CPA4: variants seen among roughly 807,000 people sequenced by gnomAD.
CPA4 encodes carboxypeptidase A4, also known as carboxypeptidase A3.
In CPA4, 49 loss-of-function variants were observed where a neutral mutation model predicts 54.7. The ratio of observed to expected loss-of-function variants is 0.90; its 90% CI spans 0.71 to 1.14. The LOEUF (loss-of-function observed/expected upper bound fraction) is 1.14. Ranked by LOEUF, CPA4 falls within the 50% of genes most tolerant of loss-of-function variation. The pLI is 0.00. For missense variants in CPA4, 487 were observed against 525.1 expected, an observed-to-expected ratio of 0.93 and a Z score of 0.71; for synonymous variants, 215 against 206.8, an observed-to-expected ratio of 1.04 and a Z score of -0.34.
rs61731647 is a variant in CPA4 at position 130,299,381 on chromosome 7, G to A, written c.262G>A (p.Ala88Thr). The change falls in exon 3 of 11, where the codon GCA becomes ACA. Residue 88 changes from alanine (A) to threonine (T), a missense_variant. Transcript: ENST00000222482. The stretch of plus-strand genomic sequence containing the variant: ...CCTGAGATCCCAGGGCTTAGAGTAC[G>A]CAGTGACAATTGAGGACCTGCAGGT... ...SFLRSQGLEY[A>T]VTIEDLQALL... is the part of the protein sequence containing the mutation. 5,586 of 1,614,080 alleles carry A rather than the reference G, an allele frequency of 3.5e-3. 180 individuals carry two copies. The African/African-American group carries it at 0.066, about 19-fold the overall frequency.
At chr7:130,295,420 AGC>A (rs1584743175) in intron 1 of CPA4, among the ~76,000 whole-genome samples, 1 of 152,172 alleles carries the variant, frequency 6.6e-6, no homozygotes, top group East Asian at 1.9e-4. Flanking sequence ...ACCTGTGTGG[AGC>A]AGGAGGGGCA....
At chr7:130,322,131 G>A (rs949259416) in intron 10 of CPA4, among the ~76,000 whole-genome samples, 3 of 152,182 alleles carry the variant, frequency 2.0e-5, no homozygotes, top group Non-Finnish European at 4.4e-5. Context: ...ATGTAGGAGG[G>A]AGCTGCACAA....
In CPA4 at chr7:130,306,889, C is replaced by G; in HGVS notation, c.694C>G (p.Gln232Glu). The G allele has an allele frequency of 6.4e-7, 1 of 1,568,924 alleles. No individual in the cohort carries two copies. The change falls in exon 7 of 11, where the codon CAA becomes GAA. Residue 232 changes from glutamine (Q) to glutamate (E), a missense_variant. Transcript: ENST00000222482. The stretch of plus-strand genomic sequence containing the variant: ...CAATCCTGATGGATATGTGTATACT[C>G]AAACTCAAGTGAGTATTCCCAAATG... Reference protein sequence around the residue: ...VANPDGYVYTQTQNRLWRKTR... With the variant: ...VANPDGYVYTETQNRLWRKTR...
At chr7:130,294,092 C>T (rs565397722) in intron 1 of CPA4, among the ~76,000 whole-genome samples, 2 of 152,140 alleles carry the variant, frequency 1.3e-5, no homozygotes, top group Non-Finnish European at 2.9e-5. Flanking sequence ...TTTTTGATCA[C>T]ACAACAACTT....
Position 130,322,565 on chromosome 7 carries a change from T to C in CPA4, c.1155T>C (p.Asp385=). Residue 385 remains aspartate, a synonymous_variant, in exon 11 of 11, where the codon GAT becomes GAC. Coordinates refer to ENST00000222482, the MANE Select transcript of CPA4 (RefSeq NM_016352.4). The stretch of plus-strand genomic sequence containing the variant: ...TTGCATTCACATTTGAGTTGAGAGA[T>C]ACCGGGACCTATGGCTTCCTCCTGC... ...IKFAFTFELR[D]TGTYGFLLPA... is the part of the protein sequence containing the mutation. The C allele has an allele frequency of 4.3e-6, 7 of 1,614,136 alleles. No individual in the cohort carries two copies. Among genetic ancestry groups the C allele is most frequent in the Non-Finnish European group, 5.9e-6 (7 of 1,179,990 alleles).
chr7:130,302,365 T>C (rs1301726470), intron 4 of CPA4, among the ~76,000 whole-genome samples: 1 of 152,010 alleles, frequency 6.6e-6, no homozygotes, highest in African/African-American at 2.4e-5. Flanking sequence ...GGCAGGCACC[T>C]GTAGTCCCAG....
intron 1 of CPA4, among the ~76,000 whole-genome samples, chr7:130,294,363 G>A (rs1026962742): frequency 6.6e-6 from 1 of 152,288 alleles, no homozygotes. Flanking sequence ...TTACTTATAT[G>A]AGATTGACTA....
At chr7:130,306,955 A>G in intron 7 of CPA4, 58 bp downstream of exon 7, 1 of 927,484 alleles carries the variant, frequency 1.1e-6, no homozygotes, top group Non-Finnish European at 1.8e-6. Context: ...CTTTGCCACT[A>G]ATTGTCTGAT....
At chr7:130,296,097 T>C (rs546021601) in intron 1 of CPA4, among the ~76,000 whole-genome samples, 192 of 152,308 alleles carry the variant, frequency 1.3e-3, no homozygotes, top group Non-Finnish European at 2.4e-3. Flanking sequence ...GTGATGTGAG[T>C]TGGTCCTAAA....
chr7:130,303,914 T>A (rs554578397), intron 4 of CPA4, among the ~76,000 whole-genome samples: 15 of 152,262 alleles, frequency 9.9e-5, no homozygotes, highest in African/African-American at 3.6e-4. Context: ...AGTGTTGGGA[T>A]TATAGGCATG....
In CPA4 at chr7:130,297,401, G is replaced by GT. The variant is rs1268674057; in HGVS notation, c.69-1344dup. Among the ~76,000 whole-genome samples the GT allele has an allele frequency of 2.0e-5, 3 of 152,274 alleles. No individual in the cohort carries two copies. The East Asian group carries it at 5.8e-4, about 29-fold the overall frequency. ...CAGACTGAGACCTGCCCACCCAGTG[G>GT]TATCTCTTCAGGGCCCTCGGCAGTG... On this transcript the variant is annotated intron_variant, in intron 1 of 10. Transcript: ENST00000222482.
intron 10 of CPA4, among the ~76,000 whole-genome samples, chr7:130,314,908 G>C (rs777780944): frequency 1.3e-5 from 2 of 152,132 alleles, no homozygotes; most frequent in African/African-American, 4.8e-5. Flanking sequence ...TTCGGGATTC[G>C]GGTGAGGTGA....
At chr7:130,298,384 G>C (rs1793683585) in intron 1 of CPA4, among the ~76,000 whole-genome samples, 1 of 152,116 alleles carries the variant, frequency 6.6e-6, no homozygotes, top group Admixed American at 6.6e-5. Flanking sequence ...AGATACAAGG[G>C]GGAAAAAAGT....
rs200419185 is a variant in CPA4, at chr7:130,306,872, A to T, written c.677A>T (p.Asp226Val). 48 of 1,603,206 alleles carry T rather than the reference A, an allele frequency of 3.0e-5. No homozygotes were observed. The African/African-American group carries it at 4.3e-4, about 14-fold the overall frequency. ...TTCTTGTTGCCTGTGGCCAATCCTGATGGATATGTGTATACTCAAACTCAA... is the reference window on the plus strand; with the variant it reads ...TTCTTGTTGCCTGTGGCCAATCCTGTTGGATATGTGTATACTCAAACTCAA... ...DIFLLPVANP[D>V]GYVYTQTQNR... Residue 226 changes from aspartate (D) to valine (V), a missense_variant, in exon 7 of 11, where the codon GAT becomes GTT. By Grantham distance (152) the Asp-to-Val change is radical (BLOSUM62 -3). Coordinates refer to ENST00000222482, the MANE Select transcript of CPA4 (RefSeq NM_016352.4).
intron 10 of CPA4, among the ~76,000 whole-genome samples, chr7:130,317,329 A>G (rs1176081395): frequency 6.6e-6 from 1 of 152,250 alleles, no homozygotes; most frequent in Non-Finnish European, 1.5e-5. Flanking sequence ...CTAGGTGTGC[A>G]GTATGTTATA....
At chr7:130,308,134 ACTCCT>A in intron 7 of CPA4, 168 bp from the exon 8 acceptor site, 1 of 624,890 alleles carries the variant, frequency 1.6e-6, no homozygotes, top group Non-Finnish European at 2.9e-6. Flanking sequence ...AAGGGGAAAT[ACTCCT>A]CTCTCTGCAG....
In CPA4 at chr7:130,322,544, A is replaced by G. The variant is rs760528568; in HGVS notation, c.1134A>G (p.Ala378=). 1 of 1,614,170 alleles carries G rather than the reference A, an allele frequency of 6.2e-7. No individual in the cohort carries two copies. The highest frequency in any genetic ancestry group is 1.1e-5 in the South Asian group (1 of 91,074). ...DWAYDNGIKF[A]FTFELRDTGT... ...CATATGACAACGGCATCAAATTTGC[A>G]TTCACATTTGAGTTGAGAGATACCG... Residue 378 remains alanine (A), a synonymous_variant, in exon 11 of 11, where the codon GCA becomes GCG. Transcript: ENST00000222482.
rs147395968 is a variant in CPA4, at chr7:130,319,318, C to T, written c.1079-3171C>T. Among the ~76,000 whole-genome samples, 660 of 152,280 alleles carry T rather than the reference C, an allele frequency of 4.3e-3. 4 individuals are homozygous for T. Among genetic ancestry groups the T allele is most frequent in the Non-Finnish European group, 7.4e-3 (501 of 68,026 alleles). ...CATAAGCGTGGTGATTGGGTTTTCA[C>T]GCTCATGTGTGACATATGCCTTCCT... On this transcript the variant is annotated intron_variant, in intron 10 of 10. Coordinates refer to ENST00000222482, the MANE Select transcript of CPA4 (RefSeq NM_016352.4).
rs138281169 is a variant in CPA4 at position 130,309,212 on chromosome 7, C to T, written c.793+815C>T. Reference sequence around the variant, plus strand: ...GGAATGATAGTGATGTCTGTCTTCCCGAGAGAATGGTGGGACAGAGCATCT... The same window carrying T: ...GGAATGATAGTGATGTCTGTCTTCCTGAGAGAATGGTGGGACAGAGCATCT... On this transcript the variant is annotated intron_variant, in intron 8 of 10. Coordinates refer to ENST00000222482, the MANE Select transcript of CPA4 (RefSeq NM_016352.4). Among the ~76,000 whole-genome samples, 768 of 152,168 alleles carry T rather than the reference C, an allele frequency of 5.0e-3. 5 individuals are homozygous for T. The highest frequency in any genetic ancestry group is 0.017 in the African/African-American group (711 of 41,492).
Sources: gnomAD v4.1 joint callset for allele counts (sites outside exome capture counted in the v4.1 genomes callset) on GRCh38, gnomAD v4.1.1 for gene constraint, MANE v1.5 for transcripts, NCBI Gene and HGNC (gene_info 2026-07-23, HGNC 2026-07-21) for gene names.